ARHGAP10: variants seen among roughly 807,000 people sequenced by gnomAD.
ARHGAP10 encodes the protein rho GTPase-activating protein 10.
Under a neutral mutation model 108.6 loss-of-function variants are expected in ARHGAP10, and 87 were observed. The ratio of observed to expected loss-of-function variants is 0.80; its 90% confidence interval spans 0.67 to 0.96. The LOEUF is 0.96. Among genes scored for constraint, ARHGAP10 ranks in the 40% least tolerant of loss-of-function variants. The pLI is 0.00. For missense variants in ARHGAP10, 939 were observed against 954.5 expected (o/e 0.98, Z 0.21); for synonymous variants, 347 against 341.1 (o/e 1.02, Z -0.19).
intron 1 of ARHGAP10, among the ~76,000 whole-genome samples, chr4:147,781,321 A>G (rs1292652623): frequency 6.6e-6 from 1 of 152,142 alleles, no homozygotes; most frequent in Admixed American, 6.6e-5. Flanking sequence ...ATTGGGGGAT[A>G]GGTAGGTGTG....
In ARHGAP10 at chr4:147,940,226, A is replaced by G. The variant is rs183828300; in HGVS notation, c.1303+327A>G. On this transcript the variant is annotated intron_variant, in intron 14 of 22. Coordinates refer to ENST00000336498, the MANE Select transcript of ARHGAP10 (RefSeq NM_024605.4). ...CAAATAGCCTGTCCAGAATTGTGACAGTACATTTGGTTGGACAAGACCACT... is the reference window on the plus strand; with the variant it reads ...CAAATAGCCTGTCCAGAATTGTGACGGTACATTTGGTTGGACAAGACCACT... 6.5e-3 allele frequency among the ~76,000 whole-genome samples: 988 copies of G among 152,320 alleles called. 8 individuals carry two copies. Among genetic ancestry groups the G allele is most frequent in the Non-Finnish European group, 0.011 (731 of 68,024 alleles).
intron 18 of ARHGAP10, among the ~76,000 whole-genome samples, chr4:148,012,735 C>T (rs1741212972): frequency 6.6e-6 from 1 of 152,112 alleles, no homozygotes; most frequent in African/African-American, 2.4e-5. Context: ...GCAGAGGCCA[C>T]GTCTCATGTA....
intron 14 of ARHGAP10, among the ~76,000 whole-genome samples, chr4:147,943,690 C>A (rs2126966763): frequency 6.6e-6 from 1 of 152,304 alleles, no homozygotes; most frequent in Middle Eastern, 3.4e-3. Context: ...AGAAAGGAAG[C>A]AAATTGTTTT....
At chr4:147,936,317 C>CTTTTTT (rs765432394) in intron 13 of ARHGAP10, among the ~76,000 whole-genome samples, 19 of 97,888 alleles carry the variant, frequency 1.9e-4, no homozygotes, top group Admixed American at 8.5e-4. Flanking sequence ...CTTTTCCTCT[C>CTTTTTT]TTTTTTTTTT....
chr4:147,867,181 G>A (rs1734601376), intron 7 of ARHGAP10, among the ~76,000 whole-genome samples: 1 of 152,098 alleles, frequency 6.6e-6, no homozygotes, highest in Non-Finnish European at 1.5e-5. Flanking sequence ...TCCCAGATAG[G>A]CTTATCATTT....
At position 147,966,789 on chromosome 4, in the gene ARHGAP10, T is replaced by A. The variant is rs2126999019; in HGVS notation, c.1666T>A (p.Leu556Met). 1 of 1,599,066 alleles carries A rather than the reference T, an allele frequency of 6.3e-7. No homozygotes were observed. The highest frequency in any genetic ancestry group is 2.2e-5 in the East Asian group (1 of 44,676). Residue 556 changes from leucine (L) to methionine (M), a missense_variant, in exon 18 of 23, where the codon TTG becomes ATG. Coordinates refer to ENST00000336498, the MANE Select transcript of ARHGAP10 (RefSeq NM_024605.4). ...QEETVAALMD[L>M]KFQNIVVEIL... ...AGAAACTGTCGCTGCCCTCATGGAC[T>A]TGAAGTTTCAGAATATTGTTGTGGA...
At chr4:147,998,935 GAAGA>G (rs1015461047) in intron 18 of ARHGAP10, among the ~76,000 whole-genome samples, 6 of 152,170 alleles carry the variant, frequency 3.9e-5, no homozygotes, top group East Asian at 1.9e-4. Flanking sequence ...AACTAGACAA[GAAGA>G]GAGAAGAGAG....
chr4:147,744,784 C>T (rs1728838845), intron 1 of ARHGAP10, among the ~76,000 whole-genome samples: 1 of 151,906 alleles, frequency 6.6e-6, no homozygotes, highest in African/African-American at 2.4e-5. Context: ...TTCGTAGTAG[C>T]CAGGAGACAT....
chr4:148,043,766 G>T (rs865783437), intron 19 of ARHGAP10, among the ~76,000 whole-genome samples: 6 of 141,636 alleles, frequency 4.2e-5, no homozygotes, highest in African/African-American at 1.6e-4. Flanking sequence ...ATATATATGT[G>T]TATATATATG....
At chr4:148,043,788 G>GTGTATATATATGTGTATATATATGTA (rs1553975442) in intron 19 of ARHGAP10, among the ~76,000 whole-genome samples, 12 of 143,508 alleles carry the variant, frequency 8.4e-5, no homozygotes, top group African/African-American at 3.0e-4. Context: ...ATATATATAT[G>GTGTATATATATGTGTATATATATGTA]TATATATATA....
intron 18 of ARHGAP10, among the ~76,000 whole-genome samples, chr4:147,976,474 C>G (rs1281191591): frequency 7.9e-5 from 12 of 151,824 alleles, no homozygotes; most frequent in Admixed American, 7.9e-4. Context: ...GACTCCCCCC[C>G]ATCCCCAGTT....
intron 1 of ARHGAP10, among the ~76,000 whole-genome samples, chr4:147,733,704 A>C (rs1453857667): frequency 1.3e-5 from 2 of 152,186 alleles, no homozygotes; most frequent in Non-Finnish European, 2.9e-5. Flanking sequence ...TGGTACAGTA[A>C]ATATGCATTT....
At chr4:147,934,129 G>C (rs930574883) in intron 13 of ARHGAP10, among the ~76,000 whole-genome samples, 2 of 152,206 alleles carry the variant, frequency 1.3e-5, no homozygotes, top group African/African-American at 4.8e-5. Flanking sequence ...TTAGTATGCA[G>C]ACGAACCTTT....
intron 10 of ARHGAP10, 65 bp from the exon 11 acceptor site, chr4:147,906,573 A>G: frequency 1.3e-6 from 2 of 1,536,940 alleles, no homozygotes; most frequent in Non-Finnish European, 1.8e-6. Flanking sequence ...CAACAGTTAA[A>G]TCTTAGGAAA....
intron 13 of ARHGAP10, among the ~76,000 whole-genome samples, chr4:147,919,618 A>G (rs1020422407): frequency 6.6e-6 from 1 of 151,636 alleles, no homozygotes; most frequent in Non-Finnish European, 1.5e-5. Context: ...TGTTGCCCAG[A>G]CTAGAGTGCA....
intron 20 of ARHGAP10, among the ~76,000 whole-genome samples, chr4:148,056,460 A>C (rs1248716685): frequency 6.6e-6 from 1 of 152,200 alleles, no homozygotes; most frequent in Non-Finnish European, 1.5e-5. Context: ...TTTAAAATAA[A>C]TTTTTATTTT....
chr4:148,009,333 T>C (rs1391883489), intron 18 of ARHGAP10, among the ~76,000 whole-genome samples: 2 of 152,182 alleles, frequency 1.3e-5, no homozygotes, highest in Non-Finnish European at 2.9e-5. Flanking sequence ...GGTTTCACCA[T>C]GTTGGCCAGT....
At position 148,037,501 on chromosome 4, in the gene ARHGAP10, G is replaced by A. The variant is rs1042583739; in HGVS notation, c.1868-9391G>A. ...TGTATGTACCACATTTGAGGAAACAGTATGGTGCACTCTACTCTTCCCAGG... is the reference window on the plus strand; with the variant it reads ...TGTATGTACCACATTTGAGGAAACAATATGGTGCACTCTACTCTTCCCAGG... On this transcript the variant is annotated intron_variant, in intron 19 of 22. Coordinates refer to ENST00000336498, the MANE Select transcript of ARHGAP10 (RefSeq NM_024605.4). 3.3e-5 allele frequency among the ~76,000 whole-genome samples: 5 copies of A among 152,184 alleles called. 1 individual carries two copies. Among genetic ancestry groups the A allele is most frequent in the African/African-American group, 1.2e-4 (5 of 41,448 alleles).
chr4:148,049,445 G>C (rs978736101), intron 20 of ARHGAP10, among the ~76,000 whole-genome samples: 2 of 152,182 alleles, frequency 1.3e-5, no homozygotes, highest in African/African-American at 2.4e-5. Flanking sequence ...TTCTAGGGTC[G>C]TGCGTTGCTG....
Sources: allele counts gnomAD v4.1 joint callset (sites outside exome capture counted in the v4.1 genomes callset), GRCh38; gene constraint gnomAD v4.1.1; transcripts MANE v1.5; gene names NCBI Gene and HGNC (gene_info 2026-07-23, HGNC 2026-07-21).